The following GAGE1 variants were observed in gnomAD, a reference collection of about 807,000 sequenced individuals.
GAGE1 encodes G antigen 1.
A neutral mutation model predicts 5.0 loss-of-function variants in GAGE1; 5 were observed. That is an observed-to-expected ratio of 1.00 (90% CI 0.52 to 2.11). GAGE1 has a LOEUF of 2.11. Among genes scored for constraint, GAGE1 ranks in the 30% most tolerant of loss-of-function variants. The probability of loss-of-function intolerance (pLI) is 0.01; values close to 1 mark genes in which losing one functional copy is unlikely to be tolerated. For synonymous variants in GAGE1, 6 were observed against 14.8 expected, an observed-to-expected ratio of 0.40 and a Z score of 1.37; for missense variants, 9 against 38.9, an observed-to-expected ratio of 0.23 and a Z score of 2.04.
intron 3 of GAGE1, among the ~76,000 whole-genome samples, chrX:49,601,682 C>G (rs2066609593): frequency 2.7e-4 from 1 of 3,729 alleles, no homozygotes; most frequent in East Asian, 6.7e-3. Context: ...CTGTGATTCA[C>G]AAACAATGTT....
In GAGE1 at chrX:49,605,250, C is replaced by G. The variant is rs181988027; in HGVS notation, c.332-743C>G. ...ACTATTTCTAATAAGACTGTAGACA[C>G]ACATATGATATAATCATCTCTAATC... On this transcript the variant is annotated intron_variant, in intron 4 of 4. Coordinates refer to ENST00000381700, the MANE Select transcript of GAGE1 (RefSeq NM_001040663.4). The G allele has an allele frequency of 6.5e-4, 425 of 650,338 alleles. 3 individuals are homozygous for G. In the South Asian group the frequency reaches 0.013, roughly 19 times the overall value. The allele number at this position is 650,338 out of a possible 1,213,427, so 53.6% of individuals were successfully genotyped here. A position where few individuals can be genotyped will look rare whatever the true frequency, so the allele number is the denominator to read the frequency against.
Position 49,607,623 on chromosome X carries a change from G to A in GAGE1, c.*1608G>A, listed in dbSNP as rs111852912. The A allele has an allele frequency of 1.3e-4, 14 of 110,718 alleles. No individual in the cohort carries two copies. Among genetic ancestry groups the A allele is most frequent in the African/African-American group, 3.9e-4 (12 of 30,455 alleles). 9.1% of individuals were successfully genotyped at this position (110,718 alleles called of 1,213,427 possible). On this transcript the variant is annotated 3_prime_UTR_variant, in exon 5 of 5. Transcript: ENST00000381700. The stretch of plus-strand genomic sequence containing the variant: ...TCCCCTCAAACTTTGTGAGGGTCGC[G>A]TTCTCTGAAGATGCCTCTTCAATTT...
At chrX:49,605,679 G>C (rs1223716657) in intron 4 of GAGE1, among the ~76,000 whole-genome samples, 1 of 111,377 alleles carries the variant, frequency 9.0e-6, no homozygotes, top group African/African-American at 3.3e-5. Context: ...TGGAGGCCAA[G>C]GCGGGTGGAT....
At chrX:49,605,549 T>C (rs1468930115) in intron 4 of GAGE1, among the ~76,000 whole-genome samples, 4 of 112,115 alleles carry the variant, frequency 3.6e-5, no homozygotes, top group Non-Finnish European at 5.6e-5. Context: ...ACCTTAGCGT[T>C]CTGTTTTTAG....
rs367828692 is a variant in GAGE1, at chrX:49,605,973, A to G, written c.332-20A>G. ...AATCTGTTGCTCTGTAATGTTCCCA[A>G]CTGTTTTGTTTTGTTTCAGGTGAAG... On this transcript the variant is annotated intron_variant, in intron 4 of 4. Coordinates refer to ENST00000381700, the MANE Select transcript of GAGE1 (RefSeq NM_001040663.4). The G allele has an allele frequency of 2.9e-6, 3 of 1,028,163 alleles. No individual in the cohort carries two copies. Among genetic ancestry groups the G allele is most frequent in the Non-Finnish European group, 2.5e-6 (2 of 787,167 alleles). 84.7% of individuals were successfully genotyped at this position (1,028,163 alleles called of 1,213,427 possible).
intron 3 of GAGE1, among the ~76,000 whole-genome samples, chrX:49,602,326 C>G (rs1329967820): frequency 1.1e-5 from 1 of 92,154 alleles, no homozygotes; most frequent in Non-Finnish European, 2.4e-5. Flanking sequence ...TTTAGGATAT[C>G]TGTATTTTGT....
Position 49,606,657 on chromosome X carries a change from T to C in GAGE1, c.*642T>C, listed in dbSNP as rs1473295349. ...TTCACGACAATATTTAGTGTACTTT[T>C]TTTGTAGATGGACTTTTTCAGAGTA... On this transcript the variant is annotated 3_prime_UTR_variant, in exon 5 of 5. Coordinates refer to ENST00000381700, the MANE Select transcript of GAGE1 (RefSeq NM_001040663.4). 1 of 112,499 alleles carries C rather than the reference T, an allele frequency of 8.9e-6. No homozygotes were observed. The highest frequency in any genetic ancestry group is 2.8e-4 in the East Asian group (1 of 3,612). The allele number at this position is 112,499 out of a possible 1,213,427, so 9.3% of individuals were successfully genotyped here.
rs1202641695 is a variant in GAGE1 at position 49,606,401 on chromosome X, G to T, written c.*386G>T. 8.8e-6 allele frequency: 1 copy of T among 113,113 alleles called. No individual in the cohort carries two copies. Among genetic ancestry groups the T allele is most frequent in the Admixed American group, 9.5e-5 (1 of 10,473 alleles). The allele number at this position is 113,113 out of a possible 1,213,427, so 9.3% of individuals were successfully genotyped here. A position where few individuals can be genotyped will look rare whatever the true frequency, so the allele number is the denominator to read the frequency against. On this transcript the variant is annotated 3_prime_UTR_variant, in exon 5 of 5. Transcript: ENST00000381700. ...TATTTTTCGTAGAGGTGGGATTTTG[G>T]CCTGTGTCCTAGGCTTTTTTTGAAC...
rs2066669701 is a variant in GAGE1, at chrX:49,608,275, T to TGCTGTGACC, written c.*2261_*2262insCTGTGACCG. ...TGACTGAAAAACAAAGTGCTTTGAC[T>TGCTGTGACC]GTGCTGTGACCCAGCCAGCTGCATG... On this transcript the variant is annotated 3_prime_UTR_variant, in exon 5 of 5. Transcript: ENST00000381700. 9.0e-6 allele frequency: 1 copy of TGCTGTGACC among 111,640 alleles called. No homozygotes were observed. The highest frequency in any genetic ancestry group is 3.3e-5 in the African/African-American group (1 of 30,749). The allele number at this position is 111,640 out of a possible 1,213,427, so 9.2% of individuals were successfully genotyped here.
In GAGE1 at chrX:49,606,270, T is replaced by A. The variant is rs1557132221; in HGVS notation, c.*255T>A. 1.0e-5 allele frequency: 2 copies of A among 199,304 alleles called. No individual in the cohort carries two copies. The highest frequency in any genetic ancestry group is 5.9e-5 in the African/African-American group (2 of 33,817). 16.4% of individuals were successfully genotyped at this position (199,304 alleles called of 1,213,427 possible). A position where few individuals can be genotyped will look rare whatever the true frequency, so the allele number is the denominator to read the frequency against. On this transcript the variant is annotated 3_prime_UTR_variant, in exon 5 of 5. Transcript: ENST00000381700. Reference sequence around the variant, plus strand: ...AACCTTGTTAAATATGCTTATGAATTTTAAAAGTTTACTTCTAGGTTTTTT... The same window carrying A: ...AACCTTGTTAAATATGCTTATGAATATTAAAAGTTTACTTCTAGGTTTTTT...
intron 4 of GAGE1, chrX:49,605,045 A>T: frequency 9.8e-7 from 1 of 1,023,372 alleles, no homozygotes; most frequent in South Asian, 1.8e-5. Flanking sequence ...CTGGCTTTTA[A>T]TGAACAATTG....
intron 4 of GAGE1, chrX:49,604,853 G>T (rs191711605): frequency 4.3e-5 from 10 of 230,387 alleles, no homozygotes; most frequent in Admixed American, 1.1e-4. Context: ...TGTCACCCAG[G>T]GTGGAGTGCA....
intron 4 of GAGE1, among the ~76,000 whole-genome samples, chrX:49,604,741 G>A (rs1475730123): frequency 8.9e-6 from 1 of 112,127 alleles, no homozygotes; most frequent in Non-Finnish European, 1.9e-5. Flanking sequence ...CTTCATCCTA[G>A]TTTTTCCGTG....
chrX:49,605,149 G>C (rs2066647912), intron 4 of GAGE1: 1 of 1,001,198 alleles, frequency 1.0e-6, no homozygotes, highest in African/African-American at 1.9e-5. Flanking sequence ...ATGTAAGTCA[G>C]TGATGCTCAG....
intron 4 of GAGE1, chrX:49,604,962 C>T (rs1218586723): frequency 1.4e-5 from 10 of 725,719 alleles, no homozygotes; most frequent in African/African-American, 4.4e-5. Flanking sequence ...CACAAGCCAA[C>T]GTACCTGAGT....
rs1286600748 is a variant in GAGE1 at position 49,606,574 on chromosome X, A to G, written c.*559A>G. 2 of 112,406 alleles carry G rather than the reference A, an allele frequency of 1.8e-5. No homozygotes were observed. 9.3% of individuals were successfully genotyped at this position (112,406 alleles called of 1,213,427 possible). On this transcript the variant is annotated 3_prime_UTR_variant, in exon 5 of 5. Transcript: ENST00000381700. ...GCATTGAGCAGATCTACCGGATACAATTGTGATAGTGGAAATTTTTGTGTT... is the reference window on the plus strand; with the variant it reads ...GCATTGAGCAGATCTACCGGATACAGTTGTGATAGTGGAAATTTTTGTGTT...
At chrX:49,604,946 TAC>T (rs1557131848) in intron 4 of GAGE1, 1 of 562,584 alleles carries the variant, frequency 1.8e-6, no homozygotes, top group African/African-American at 2.4e-5. Flanking sequence ...TGGCTGGAAC[TAC>T]ATGCACAAGC....
At chrX:49,605,113 A>T (rs373187691) in intron 4 of GAGE1, 1 of 1,007,977 alleles carries the variant, frequency 9.9e-7, no homozygotes, top group Non-Finnish European at 1.3e-6. Flanking sequence ...ATGGCAAGAG[A>T]CCGTTTAGTT....
rs1602753299 is a variant in GAGE1, at chrX:49,607,878, T to G, written c.*1863T>G. On this transcript the variant is annotated 3_prime_UTR_variant, in exon 5 of 5. Coordinates refer to ENST00000381700, the MANE Select transcript of GAGE1 (RefSeq NM_001040663.4). ...GGATGTGTACTATCTATGAATTACT[T>G]CTTTGTGCTAGGTTGTGTACATGTA... 1.8e-5 allele frequency: 2 copies of G among 111,547 alleles called. No homozygotes were observed. Among genetic ancestry groups the G allele is most frequent in the Admixed American group, 9.6e-5 (1 of 10,374 alleles). 9.2% of individuals were successfully genotyped at this position (111,547 alleles called of 1,213,427 possible).
Sources: allele counts gnomAD v4.1 joint callset (sites outside exome capture counted in the v4.1 genomes callset), GRCh38; gene constraint gnomAD v4.1.1; transcripts MANE v1.5; gene names NCBI Gene and HGNC (gene_info 2026-07-23, HGNC 2026-07-21).